The following SEPTIN14 variants were observed in gnomAD, a reference collection of about 807,000 sequenced individuals.
SEPTIN14 encodes septin-14.
A neutral mutation model predicts 53.6 loss-of-function variants in SEPTIN14; 40 were observed. That is an observed-to-expected ratio of 0.75 (90% CI 0.58 to 0.97). The LOEUF is 0.97. SEPTIN14 is among the 50% of genes least tolerant of loss of function. The pLI is 0.00. For synonymous variants in SEPTIN14, 138 were observed against 166.8 expected (o/e 0.83, Z 1.33); for missense variants, 471 against 508.2 (o/e 0.93, Z 0.70).
In SEPTIN14 at chr7:55,807,216, A is replaced by G. The variant is rs1214859190; in HGVS notation, c.860T>C (p.Met287Thr). The change falls in exon 8 of 10, where the codon ATG (methionine) becomes ACG (threonine). Residue 287 changes from methionine (M) to threonine (T), a missense_variant. By Grantham distance (81) the Met-to-Thr change is moderately conservative (BLOSUM62 -1). Coordinates refer to ENST00000388975, the MANE Select transcript of SEPTIN14 (RefSeq NM_207366.3). Reference protein sequence around the residue: ...NHCDFVKLRDMLLCTNMENLK... With the variant: ...NHCDFVKLRDTLLCTNMENLK... ...ATTTTCCATATTGGTACAAAGAAGC[A>G]TATCTCGGAGCTTAACGAAGTCACA... 2 of 1,603,876 alleles carry G rather than the reference A, an allele frequency of 1.2e-6. No homozygotes were observed. Among genetic ancestry groups the G allele is most frequent in the East Asian group, 4.5e-5 (2 of 44,352 alleles).
At chr7:55,819,336 T>C in intron 6 of SEPTIN14, 113 bp from the exon 7 acceptor site, 1 of 747,426 alleles carries the variant, frequency 1.3e-6, no homozygotes, top group Admixed American at 2.4e-5. Flanking sequence ...ATGCCTGTAA[T>C]CCCAGCACTT....
chr7:55,830,349 A>ATACATTTTTTTTTTT (rs71015108), intron 6 of SEPTIN14, among the ~76,000 whole-genome samples: 2 of 56,846 alleles, frequency 3.5e-5, no homozygotes, highest in African/African-American at 2.0e-4. Context: ...ATATATATAT[A>ATACATTTTTTTTTTT]TTTTTTTTTT....
chr7:55,835,831 C>A (rs1456584771), intron 5 of SEPTIN14, among the ~76,000 whole-genome samples: 1 of 152,120 alleles, frequency 6.6e-6, no homozygotes, highest in Non-Finnish European at 1.5e-5. Context: ...CAACGTCTGC[C>A]TCCCGGGTTC....
intron 2 of SEPTIN14, among the ~76,000 whole-genome samples, chr7:55,855,458 G>A (rs1261003101): frequency 6.6e-6 from 1 of 152,230 alleles, no homozygotes; most frequent in African/African-American, 2.4e-5. Context: ...TCAGTGAGAA[G>A]AGTTCTAAAG....
intron 2 of SEPTIN14, among the ~76,000 whole-genome samples, chr7:55,860,082 G>A (rs748719742): frequency 4.0e-5 from 6 of 149,926 alleles, no homozygotes; most frequent in South Asian, 2.1e-4. Flanking sequence ...GGGAGGCTGC[G>A]GCAGGAGAAT....
chr7:55,857,765 T>G (rs1789668715), intron 2 of SEPTIN14, among the ~76,000 whole-genome samples: 1 of 150,928 alleles, frequency 6.6e-6, no homozygotes, highest in African/African-American at 2.4e-5. Context: ...TTTTTTGCAT[T>G]TTTAGTAGAG....
chr7:55,850,904 C>G (rs921044176), intron 2 of SEPTIN14: 4 of 151,558 alleles, frequency 2.6e-5, no homozygotes, highest in South Asian at 2.1e-4. Context: ...AACCCGGTCT[C>G]TACTAAAAAT....
chr7:55,803,069 C>G (rs903769347), intron 9 of SEPTIN14, among the ~76,000 whole-genome samples: 1 of 151,960 alleles, frequency 6.6e-6, no homozygotes, highest in African/African-American at 2.4e-5. Flanking sequence ...TCCCGATTAG[C>G]TGGGACTACA....
intron 6 of SEPTIN14, among the ~76,000 whole-genome samples, chr7:55,829,133 C>G (rs924357867): frequency 1.3e-5 from 2 of 151,506 alleles, no homozygotes; most frequent in African/African-American, 4.8e-5. Flanking sequence ...AATCCTAGCA[C>G]TTTGGGAGGC....
chr7:55,853,812 C>T (rs1789559353), intron 2 of SEPTIN14, among the ~76,000 whole-genome samples: 1 of 151,818 alleles, frequency 6.6e-6, no homozygotes, highest in Admixed American at 6.6e-5. Flanking sequence ...TGCTATGTAC[C>T]CATAAAAATT....
rs149837787 is a variant in SEPTIN14 at position 55,808,885 on chromosome 7, C to T, written c.818-1627G>A. On this transcript the variant is annotated intron_variant, in intron 7 of 9. Coordinates refer to ENST00000388975, the MANE Select transcript of SEPTIN14 (RefSeq NM_207366.3). The stretch of plus-strand genomic sequence containing the variant: ...TCTTAAAGAAGTTAAAACAGAACTA[C>T]CATTTGACCCAGTAATCCCATTACC... 3.7e-4 allele frequency among the ~76,000 whole-genome samples: 56 copies of T among 152,218 alleles called. 1 individual carries two copies. The East Asian group carries it at 8.9e-3, about 24-fold the overall frequency.
In SEPTIN14 at chr7:55,850,056, A is replaced by G. The variant is rs150921120; in HGVS notation, c.55-3419T>C. ...ACAAAGAAATCTTCAGGCCCTGCTG[A>G]TTTCACTATTGAATTCTATCAACAA... is the stretch of plus-strand genomic sequence containing the variant. On this transcript the variant is annotated intron_variant, in intron 2 of 9. Transcript: ENST00000388975. 2.8e-3 allele frequency among the ~76,000 whole-genome samples: 424 copies of G among 152,352 alleles called. 5 individuals are homozygous for G. Among genetic ancestry groups the G allele is most frequent in the Middle Eastern group, 0.01 (3 of 294 alleles).
chr7:55,858,534 G>C (rs1455142321), intron 2 of SEPTIN14, among the ~76,000 whole-genome samples: 2 of 152,168 alleles, frequency 1.3e-5, no homozygotes, highest in Non-Finnish European at 2.9e-5. Context: ...GCCAGGCGCA[G>C]TGGCTCATGC....
intron 2 of SEPTIN14, 122 bp downstream of exon 2, chr7:55,861,821 C>A: frequency 3.5e-6 from 2 of 578,490 alleles, no homozygotes; most frequent in South Asian, 3.1e-5. Context: ...AATTCATGCC[C>A]AAACATAACA....
intron 2 of SEPTIN14, among the ~76,000 whole-genome samples, chr7:55,847,614 CAA>C (rs1232056623): frequency 7.9e-5 from 12 of 152,162 alleles, no homozygotes; most frequent in Middle Eastern, 6.8e-3. Context: ...ATTTATCAAA[CAA>C]AGTGAAAAAC....
At chr7:55,843,308 T>A (rs1789347236) in intron 4 of SEPTIN14, among the ~76,000 whole-genome samples, 180 bp from the exon 5 acceptor site, 1 of 152,198 alleles carries the variant, frequency 6.6e-6, no homozygotes, top group South Asian at 2.1e-4. Context: ...CATGCTTTAC[T>A]CTATGGTTAT....
At chr7:55,813,419 A>G (rs1282182195) in intron 7 of SEPTIN14, among the ~76,000 whole-genome samples, 3 of 152,198 alleles carry the variant, frequency 2.0e-5, no homozygotes, top group East Asian at 3.9e-4. Flanking sequence ...GGGCAAGTCC[A>G]GTTACTGAGC....
At chr7:55,850,169 T>G (rs1296350417) in intron 2 of SEPTIN14, among the ~76,000 whole-genome samples, 1 of 152,080 alleles carries the variant, frequency 6.6e-6, no homozygotes, top group African/African-American at 2.4e-5. Flanking sequence ...CCAGATATAA[T>G]GGCAATATAA....
chr7:55,797,426 T>C (rs1300449266), intron 9 of SEPTIN14, among the ~76,000 whole-genome samples: 1 of 152,166 alleles, frequency 6.6e-6, no homozygotes, highest in Non-Finnish European at 1.5e-5. Flanking sequence ...TGGCATGACA[T>C]AGACAAGAGA....
Sources: gnomAD v4.1 joint callset for allele counts (sites outside exome capture counted in the v4.1 genomes callset) on GRCh38, gnomAD v4.1.1 for gene constraint, MANE v1.5 for transcripts, NCBI Gene and HGNC (gene_info 2026-07-23, HGNC 2026-07-21) for gene names.